PLEKHG2: variants seen among roughly 807,000 people sequenced by gnomAD.
PLEKHG2 encodes the protein pleckstrin homology and RhoGEF domain containing G2.
Under a neutral mutation model 104.4 loss-of-function variants are expected in PLEKHG2, and 71 were observed. The observed-to-expected ratio is 0.68, with a 90% confidence interval of 0.56 to 0.83. The LOEUF (loss-of-function observed/expected upper bound fraction) is 0.83. Ranked by LOEUF, PLEKHG2 falls within the 40% of genes least tolerant of loss-of-function variation. The probability of loss-of-function intolerance (pLI) is 0.00; values close to 1 mark genes in which losing one functional copy is unlikely to be tolerated. For synonymous variants in PLEKHG2, 728 were observed against 737.0 expected (o/e 0.99, Z 0.20); for missense variants, 1,730 against 1,809.4 (o/e 0.96, Z 0.80).
chr19:39,423,546 T>A lies in PLEKHG2; in HGVS notation c.2492T>A (p.Met831Lys). 6.5e-7 allele frequency: 1 copy of A among 1,549,044 alleles called. No homozygotes were observed. Among genetic ancestry groups the A allele is most frequent in the Non-Finnish European group, 8.7e-7 (1 of 1,146,548 alleles). Residue 831 changes from methionine (M) to lysine (K), a missense_variant, in exon 18 of 19, where the codon ATG (methionine) becomes AAG (lysine). Coordinates refer to ENST00000425673, the MANE Select transcript of PLEKHG2 (RefSeq NM_022835.3). ...CTTTACAGCGAGCGGATCCAGCAGATGCAGCGGGCGGAGACTCGGGCATCA... is the reference window on the plus strand; with the variant it reads ...CTTTACAGCGAGCGGATCCAGCAGAAGCAGCGGGCGGAGACTCGGGCATCA... ...ARLYSERIQQ[M>K]QRAETRASAN...
chr19:39,415,195 C>T lies in PLEKHG2; in HGVS notation c.313C>T (p.Arg105Cys), dbSNP rs151068319. 6.9e-6 allele frequency: 11 copies of T among 1,587,456 alleles called. 1 individual carries two copies. Among genetic ancestry groups the T allele is most frequent in the South Asian group, 5.7e-5 (5 of 87,862 alleles). The change falls in exon 3 of 19, where the codon CGT becomes TGT. Residue 105 changes from arginine to cysteine, a missense_variant. Coordinates refer to ENST00000425673, the MANE Select transcript of PLEKHG2 (RefSeq NM_022835.3). This position sits in a 1 kb window ranked among gnomAD's most constrained non-coding sequence, Gnocchi z 4.6. ...TTCAGCCAGACCCTCAAGGCTGGAG[C>T]GTGTGGCCCGGGAGATCGTGGAGAC... Reference protein sequence around the residue: ...PGSARPSRLERVAREIVETER... With the variant: ...PGSARPSRLECVAREIVETER...
chr19:39,417,235 C>G (rs192920790), intron 7 of PLEKHG2, among the ~76,000 whole-genome samples: 7 of 151,988 alleles, frequency 4.6e-5, no homozygotes, highest in Non-Finnish European at 8.8e-5. Context: ...TCACTGCAAC[C>G]TCCACCTCCT....
rs750630502 is a variant in PLEKHG2 at position 39,414,159 on chromosome 19, G to A, written c.73G>A (p.Val25Met). 1 of 1,551,512 alleles carries A rather than the reference G, an allele frequency of 6.4e-7. No homozygotes were observed. The highest frequency in any genetic ancestry group is 1.2e-5 in the South Asian group (1 of 84,062). The part of the protein sequence containing the change: ...PSLGCGRRGE[V>M]CDCGTVCETR... ...CCTCGGGTGTGGCCGAAGAGGTGAA[G>A]TGTGTGACTGTGGCACCGTGTGTGA... Residue 25 changes from valine to methionine, a missense_variant, in exon 2 of 19, where the codon GTG (valine) becomes ATG (methionine). By Grantham distance (21) the Val-to-Met change is conservative. Transcript: ENST00000425673.
chr19:39,427,612 G>A lies in PLEKHG2; in HGVS notation c.*2318G>A, dbSNP rs2078797278. The A allele has an allele frequency of 1.3e-5, 2 of 152,254 alleles. No individual in the cohort carries two copies. Among genetic ancestry groups the A allele is most frequent in the African/African-American group, 4.8e-5 (2 of 41,450 alleles). The allele number at this position is 152,254 out of a possible 1,614,324, so 9.4% of individuals were successfully genotyped here. On this transcript the variant is annotated 3_prime_UTR_variant, in exon 19 of 19. Transcript: ENST00000425673. ...CCCAAAGTGTTGGGTTTACAGGCGT[G>A]AGCTACCATACCCTGCCCAGGAATC...
At position 39,415,420 on chromosome 19, in the gene PLEKHG2, G is replaced by A. The variant is rs1345340470; in HGVS notation, c.460G>A (p.Asp154Asn). 1 of 1,614,112 alleles carries A rather than the reference G, an allele frequency of 6.2e-7. No individual in the cohort carries two copies. The highest frequency in any genetic ancestry group is 2.2e-5 in the East Asian group (1 of 44,884). The change falls in exon 4 of 19, where the codon GAC becomes AAC. Residue 154 changes from aspartate to asparagine, a missense_variant. Asp to Asn is a conservative substitution (Grantham distance 23, BLOSUM62 1). Coordinates refer to ENST00000425673, the MANE Select transcript of PLEKHG2 (RefSeq NM_022835.3). This position sits in a 1 kb window ranked among gnomAD's most constrained non-coding sequence, Gnocchi z 4.6. ...GGGCACGCTGTTTGCCAACATTGAG[G>A]ACATCTACGAGTTCAGCAGGTCAGG... The part of the protein sequence containing the change: ...QVGTLFANIE[D>N]IYEFSSELLE...
At chr19:39,418,679 G>C in intron 9 of PLEKHG2, 55 bp from the exon 10 acceptor site, 1 of 1,413,196 alleles carries the variant, frequency 7.1e-7, no homozygotes, top group Non-Finnish European at 9.9e-7. Context: ...CTCCGTACAA[G>C]GGGCATCACT....
rs772711680 is a variant in PLEKHG2, at chr19:39,425,202, C to A, written c.4069C>A (p.Arg1357=). 1.2e-6 allele frequency: 2 copies of A among 1,612,488 alleles called. No homozygotes were observed. The highest frequency in any genetic ancestry group is 1.7e-5 in the Admixed American group (1 of 59,788). Residue 1357 remains arginine, a synonymous_variant, in exon 19 of 19, where the codon CGG becomes AGG. Coordinates refer to ENST00000425673, the MANE Select transcript of PLEKHG2 (RefSeq NM_022835.3). ...GRLRPAKAQV[R]LNHPALLAST... Reference sequence around the variant, plus strand: ...GCTGCGGCCAGCCAAGGCCCAGGTCCGGTTGAACCACCCTGCTCTCTTGGC... The same window carrying A: ...GCTGCGGCCAGCCAAGGCCCAGGTCAGGTTGAACCACCCTGCTCTCTTGGC...
At chr19:39,418,680 G>A in intron 9 of PLEKHG2, 54 bp from the exon 10 acceptor site, 1 of 1,430,462 alleles carries the variant, frequency 7.0e-7, no homozygotes. Flanking sequence ...TCCGTACAAG[G>A]GGCATCACTG....
At position 39,414,124 on chromosome 19, in the gene PLEKHG2, C is replaced by G. The variant is rs561312265; in HGVS notation, c.38C>G (p.Pro13Arg). ...EGAQGLSLSK[P>R]SPSLGCGRRG... ...GCCCAAGGACTGAGCCTCTCCAAAC[C>G]TAGCCCAAGCCTCGGGTGTGGCCGA... The change falls in exon 2 of 19, where the codon CCT becomes CGT. Residue 13 changes from proline (P) to arginine (R), a missense_variant. By Grantham distance (103) the Pro-to-Arg change is moderately radical. Coordinates refer to ENST00000425673, the MANE Select transcript of PLEKHG2 (RefSeq NM_022835.3). 2 of 1,551,570 alleles carry G rather than the reference C, an allele frequency of 1.3e-6. No individual in the cohort carries two copies. The highest frequency in any genetic ancestry group is 2.7e-5 in the African/African-American group (2 of 73,184).
At position 39,423,595 on chromosome 19, in the gene PLEKHG2, T is replaced by A; in HGVS notation, c.2541T>A (p.Pro847=). The part of the protein sequence containing the change: ...RASANAPRRR[P]RVLAQPQPSP... ...CAGCCAATGCCCCGCGCCGCCGGCC[T>A]CGGGTTCTGGCCCAACCCCAGCCAT... Residue 847 remains proline (P), a synonymous_variant, in exon 18 of 19, where the codon CCT becomes CCA. Transcript: ENST00000425673. The A allele has an allele frequency of 6.5e-7, 1 of 1,534,086 alleles. No individual in the cohort carries two copies. Among genetic ancestry groups the A allele is most frequent in the South Asian group, 1.3e-5 (1 of 77,264 alleles).
At chr19:39,421,257 T>C (rs1372207498) in intron 15 of PLEKHG2, 26 bp from the exon 16 acceptor site, 4 of 1,613,654 alleles carry the variant, frequency 2.5e-6, no homozygotes, top group Non-Finnish European at 3.4e-6. Context: ...CTAATGCTTC[T>C]CTCTCTCTCA....
At chr19:39,420,699 C>T (rs780149267) in intron 12 of PLEKHG2, 40 bp downstream of exon 12, 29 of 1,613,942 alleles carry the variant, frequency 1.8e-5, no homozygotes, top group East Asian at 1.3e-4. Flanking sequence ...TGGAAGTAGA[C>T]GAATTACTTC....
rs1263666237 is a variant in PLEKHG2, at chr19:39,415,613, G to C, written c.479+174G>C. 8.3e-6 allele frequency among the ~76,000 whole-genome samples: 1 copy of C among 121,194 alleles called. No individual in the cohort carries two copies. The highest frequency in any genetic ancestry group is 1.8e-5 in the Non-Finnish European group (1 of 55,864). 79.5% of individuals were successfully genotyped at this position (121,194 alleles called of 152,430 possible). A position where few individuals can be genotyped will look rare whatever the true frequency, so the allele number is the denominator to read the frequency against. On this transcript the variant is annotated intron_variant, in intron 4 of 18. Coordinates refer to ENST00000425673, the MANE Select transcript of PLEKHG2 (RefSeq NM_022835.3). The surrounding 1 kb of genome is among the most constrained non-coding windows in gnomAD (Gnocchi z 4.6). ...GGACCCCGAGTGAGGGAGGGGCATAGGGGATGGGAGGACCCCGAGTGAGGG... is the reference window on the plus strand; with the variant it reads ...GGACCCCGAGTGAGGGAGGGGCATACGGGATGGGAGGACCCCGAGTGAGGG...
rs1169450152 is a variant in PLEKHG2, at chr19:39,412,739, G to C, written c.-696G>C. The stretch of plus-strand genomic sequence containing the variant: ...GGGAGCCCGAGGGGTCCAGAGGCTC[G>C]GACCCGGGCGTCCGGAATTTCTGCA... On this transcript the variant is annotated 5_prime_UTR_variant, in exon 1 of 19. Transcript: ENST00000425673. The C allele has an allele frequency of 6.6e-6, 1 of 152,092 alleles. No individual in the cohort carries two copies. The highest frequency in any genetic ancestry group is 1.5e-5 in the Non-Finnish European group (1 of 68,006). The allele number at this position is 152,092 out of a possible 1,614,324, so 9.4% of individuals were successfully genotyped here.
Position 39,416,332 on chromosome 19 carries a change from C to T in PLEKHG2, c.480-16C>T, listed in dbSNP as rs532068634. 40 of 1,612,144 alleles carry T rather than the reference C, an allele frequency of 2.5e-5. No homozygotes were observed. Among genetic ancestry groups the T allele is most frequent in the Non-Finnish European group, 3.4e-5 (40 of 1,179,568 alleles). On this transcript the variant is annotated splice_polypyrimidine_tract_variant and intron_variant, in intron 4 of 18. Coordinates refer to ENST00000425673, the MANE Select transcript of PLEKHG2 (RefSeq NM_022835.3). The surrounding 1 kb of genome is among the most constrained non-coding windows in gnomAD (Gnocchi z 4.5). ...GTGAAGGCAGGCGGTTCCTCACCCT[C>T]CCCTCTCCCCTGTAGCGAGCTCCTG...
At chr19:39,418,512 G>A (rs760916026) in intron 9 of PLEKHG2, among the ~76,000 whole-genome samples, 2 of 151,932 alleles carry the variant, frequency 1.3e-5, no homozygotes, top group Non-Finnish European at 2.9e-5. Context: ...CCAGGAGGCG[G>A]AGGTTGCAAT....
rs1327720525 is a variant in PLEKHG2, at chr19:39,424,486, A to G, written c.3353A>G (p.His1118Arg). 1 of 1,614,014 alleles carries G rather than the reference A, an allele frequency of 6.2e-7. No individual in the cohort carries two copies. Among genetic ancestry groups the G allele is most frequent in the Non-Finnish European group, 8.5e-7 (1 of 1,180,008 alleles). Residue 1118 changes from histidine (H) to arginine (R), a missense_variant, in exon 19 of 19, where the codon CAC becomes CGC. Transcript: ENST00000425673. ...GTSPLPAHGSHLDHRIPANAP... is the reference protein window; with the variant it reads ...GTSPLPAHGSRLDHRIPANAP... ...TCACCTTTGCCTGCACATGGAAGCCACCTGGACCATCGGATCCCAGCCAAC... is the reference window on the plus strand; with the variant it reads ...TCACCTTTGCCTGCACATGGAAGCCGCCTGGACCATCGGATCCCAGCCAAC...
In PLEKHG2 at chr19:39,415,269, G is replaced by A. The variant is rs753381460; in HGVS notation, c.378+9G>A. ...TCCGCAGCATCGTGGAGGTAAGGCGGGCAGACACCAGAGGGCAGTGGGTAC... is the reference window on the plus strand; with the variant it reads ...TCCGCAGCATCGTGGAGGTAAGGCGAGCAGACACCAGAGGGCAGTGGGTAC... On this transcript the variant is annotated intron_variant, in intron 3 of 18. Transcript: ENST00000425673. The surrounding 1 kb of genome is among the most constrained non-coding windows in gnomAD (Gnocchi z 4.6). The A allele has an allele frequency of 3.8e-6, 6 of 1,598,588 alleles. No individual in the cohort carries two copies. Among genetic ancestry groups the A allele is most frequent in the Non-Finnish European group, 5.1e-6 (6 of 1,172,126 alleles).
Position 39,426,584 on chromosome 19 carries a change from T to C in PLEKHG2, c.*1290T>C, listed in dbSNP as rs1215288156. On this transcript the variant is annotated 3_prime_UTR_variant, in exon 19 of 19. Coordinates refer to ENST00000425673, the MANE Select transcript of PLEKHG2 (RefSeq NM_022835.3). Reference sequence around the variant, plus strand: ...TAGGATTCTCTGAAGCACCCTGGTGTCCTGGCTGTGAATTCAAGTCCCATC... The same window carrying C: ...TAGGATTCTCTGAAGCACCCTGGTGCCCTGGCTGTGAATTCAAGTCCCATC... 1 of 152,254 alleles carries C rather than the reference T, an allele frequency of 6.6e-6. No homozygotes were observed. The highest frequency in any genetic ancestry group is 1.5e-5 in the Non-Finnish European group (1 of 68,054). The allele number at this position is 152,254 out of a possible 1,614,324, so 9.4% of individuals were successfully genotyped here. A position where few individuals can be genotyped will look rare whatever the true frequency, so the allele number is the denominator to read the frequency against.
Sources: gnomAD v4.1 joint callset for allele counts (sites outside exome capture counted in the v4.1 genomes callset) on GRCh38, gnomAD v4.1.1 for gene constraint, Gnocchi (gnomAD v3.1) non-coding constraint, MANE v1.5 for transcripts, NCBI Gene and HGNC (gene_info 2026-07-23, HGNC 2026-07-21) for gene names.